Variants in ZNF484 observed in about 807,000 individuals in gnomAD.
ZNF484 encodes the protein KRAB box containing C2H2 type zinc finger bA526D8.4.
ZNF484 carries 11 observed loss-of-function variants against 12.9 expected under a neutral mutation model. That is an observed-to-expected ratio of 0.85 (90% CI 0.54 to 1.41). The LOEUF is 1.41. Among genes scored for constraint, ZNF484 ranks in the 40% most tolerant of loss-of-function variants. The probability of loss-of-function intolerance (pLI) is 0.00; values close to 1 mark genes in which losing one functional copy is unlikely to be tolerated. For synonymous variants in ZNF484, 289 were observed against 334.1 expected (o/e 0.86, Z 1.47); for missense variants, 807 against 1,007.7 (o/e 0.80, Z 2.70).
chr9:92,860,008 G>A (rs927041862), intron 2 of ZNF484, among the ~76,000 whole-genome samples: 5 of 152,172 alleles, frequency 3.3e-5, no homozygotes, highest in Admixed American at 2.0e-4. Context: ...TTGATGTCCA[G>A]AGTTTTTACT....
At chr9:92,855,436 G>T (rs1173993192) in intron 4 of ZNF484, among the ~76,000 whole-genome samples, 1 of 152,162 alleles carries the variant, frequency 6.6e-6, no homozygotes, top group African/African-American at 2.4e-5. Context: ...AGATCTATGA[G>T]TATTTGAATG....
rs1262443479 is a variant in ZNF484 at position 92,847,828 on chromosome 9, T to C, written c.959A>G (p.Lys320Arg). 1.2e-6 allele frequency: 2 copies of C among 1,614,020 alleles called. No homozygotes were observed. The highest frequency in any genetic ancestry group is 3.3e-5 in the Admixed American group (2 of 60,004). Residue 320 changes from lysine to arginine, a missense_variant, in exon 5 of 5, where the codon AAA (lysine) becomes AGA (arginine). Physicochemically the swap from Lys to Arg is conservative, Grantham distance 26 (BLOSUM62 2). Coordinates refer to ENST00000375495, the MANE Select transcript of ZNF484 (RefSeq NM_031486.4). ...KDFSLKSNRQ[K>R]TPYEGNYYKC... ...ATAGTAATTCCCCTCATAAGGAGTT[T>C]TCTGACGGTTTGACTTGAGGGAAAA...
At position 92,856,321 on chromosome 9, in the gene ZNF484, G is replaced by C; in HGVS notation, c.16-3C>G. On this transcript the variant is annotated splice_polypyrimidine_tract_variant and splice_region_variant and intron_variant, in intron 2 of 4. Coordinates refer to ENST00000375495, the MANE Select transcript of ZNF484 (RefSeq NM_031486.4). ...ACGTCCTTGAATGACACTGATTCCT[G>C]TTAAAAAAAAAAAACAAACTTTAAA... The C allele has an allele frequency of 8.0e-7, 1 of 1,244,802 alleles. No individual in the cohort carries two copies. Among genetic ancestry groups the C allele is most frequent in the Admixed American group, 2.8e-5 (1 of 35,370 alleles). The allele number at this position is 1,244,802 out of a possible 1,614,324, so 77.1% of individuals were successfully genotyped here.
chr9:92,848,374 C>T lies in ZNF484; in HGVS notation c.413G>A (p.Arg138His), dbSNP rs139334933. ...TGTTTTCTTGTTAATGAAGACAACA[C>T]GACTTAAAGGTTTGTTCTGGTTTTC... ...CGENQNKPLS[R>H]VVFINKKTLA... is the part of the protein sequence containing the mutation. Residue 138 changes from arginine (R) to histidine (H), a missense_variant, in exon 5 of 5, where the codon CGT (arginine) becomes CAT (histidine). Transcript: ENST00000375495. This position sits in a 1 kb window ranked among gnomAD's most constrained non-coding sequence, Gnocchi z 4.1. 8.1e-5 allele frequency: 130 copies of T among 1,613,950 alleles called. No homozygotes were observed. In the Admixed American group the frequency reaches 9.7e-4, roughly 12 times the overall value.
At chr9:92,865,717 C>T (rs557897462) in intron 2 of ZNF484, among the ~76,000 whole-genome samples, 66 of 151,930 alleles carry the variant, frequency 4.3e-4, no homozygotes, top group Non-Finnish European at 6.6e-4. Flanking sequence ...GACTAGCCTG[C>T]GCAACATAGC....
Position 92,848,495 on chromosome 9 carries a change from GGAAA to G in ZNF484, c.288_291del (p.Phe97SerfsTer18). The G allele has an allele frequency of 6.2e-7, 1 of 1,610,960 alleles. No homozygotes were observed. The highest frequency in any genetic ancestry group is 8.5e-7 in the Non-Finnish European group (1 of 1,179,398). On this transcript the variant is annotated frameshift_variant, in exon 5 of 5. Transcript: ENST00000375495. LOFTEE classifies it low-confidence loss of function (END_TRUNC). This position sits in a 1 kb window ranked among gnomAD's most constrained non-coding sequence, Gnocchi z 4.1. ...AAGAGATTAATATTAATCTCAGACT[GGAAA>G]GAAACTTCTTCAGACATCCTCTGTT...
chr9:92,847,948 T>C lies in ZNF484; in HGVS notation c.839A>G (p.Glu280Gly), dbSNP rs746052107. The C allele has an allele frequency of 6.2e-7, 1 of 1,614,230 alleles. No individual in the cohort carries two copies. Among genetic ancestry groups the C allele is most frequent in the East Asian group, 2.2e-5 (1 of 44,884 alleles). The change falls in exon 5 of 5, where the codon GAA (glutamate) becomes GGA (glycine). Residue 280 changes from glutamate to glycine, a missense_variant. Physicochemically the swap from Glu to Gly is moderately conservative, Grantham distance 98 (BLOSUM62 -2). Transcript: ENST00000375495. Reference protein sequence around the residue: ...ESICAEEKQHECHECEAVFTQ... With the variant: ...ESICAEEKQHGCHECEAVFTQ... ...GAAGACTGCCTCACATTCATGGCAT[T>C]CATGCTGCTTTTCTTCAGCACAAAT... is the stretch of plus-strand genomic sequence containing the variant.
chr9:92,866,489 C>A (rs145818556), intron 2 of ZNF484, among the ~76,000 whole-genome samples: 3,663 of 151,716 alleles, frequency 0.024, 70 homozygotes, highest in Non-Finnish European at 0.035. Flanking sequence ...AGTCAAGAAA[C>A]AATAGATGCT....
intron 2 of ZNF484, among the ~76,000 whole-genome samples, chr9:92,860,007 A>G (rs1277839580): frequency 6.6e-6 from 1 of 152,210 alleles, no homozygotes; most frequent in Non-Finnish European, 1.5e-5. Context: ...CTTGATGTCC[A>G]GAGTTTTTAC....
At chr9:92,851,949 G>A (rs1363017715) in intron 4 of ZNF484, among the ~76,000 whole-genome samples, 5 of 152,190 alleles carry the variant, frequency 3.3e-5, no homozygotes, top group Admixed American at 6.5e-5. Context: ...TAACAAAAGT[G>A]TAATGCACAA....
rs1030099719 is a variant in ZNF484 at position 92,844,999 on chromosome 9, T to C, written c.*1229A>G. On this transcript the variant is annotated 3_prime_UTR_variant, in exon 5 of 5. Coordinates refer to ENST00000375495, the MANE Select transcript of ZNF484 (RefSeq NM_031486.4). ...ACAAATAAATGAAATTATAATGTTA[T>C]AACTTCTCCCCTTGTCCAGAAATGT... The C allele has an allele frequency of 5.9e-5, 9 of 152,188 alleles. No homozygotes were observed. The highest frequency in any genetic ancestry group is 5.2e-4 in the Admixed American group (8 of 15,280). 9.4% of individuals were successfully genotyped at this position (152,188 alleles called of 1,614,324 possible). A position where few individuals can be genotyped will look rare whatever the true frequency, so the allele number is the denominator to read the frequency against.
In ZNF484 at chr9:92,847,875, T is replaced by C. The variant is rs536044659; in HGVS notation, c.912A>G (p.Ile304Met). 20 of 1,614,202 alleles carry C rather than the reference T, an allele frequency of 1.2e-5. No homozygotes were observed. In the South Asian group the frequency reaches 2.0e-4, roughly 16 times the overall value. ...AAAAATCCTTCTCATATTCAGTGCA[T>C]ATTCCTGCATAAACCCTCTGACTGC... Reference protein sequence around the residue: ...LDGSQRVYAGICTEYEKDFSL... With the variant: ...LDGSQRVYAGMCTEYEKDFSL... The change falls in exon 5 of 5, where the codon ATA becomes ATG. Residue 304 changes from isoleucine (I) to methionine (M), a missense_variant. By Grantham distance (10) the Ile-to-Met change is conservative. Transcript: ENST00000375495.
rs778103968 is a variant in ZNF484 at position 92,847,234 on chromosome 9, T to C, written c.1553A>G (p.His518Arg). ...GCATTTATAAGGTTTCTCTCCAGTA[T>C]GAATTTTTTGGTGCTTAATGAGATT... ...RSNLIKHQKI[H>R]TGEKPYKCSD... The change falls in exon 5 of 5, where the codon CAT (histidine) becomes CGT (arginine). Residue 518 changes from histidine (H) to arginine (R), a missense_variant. His to Arg is a conservative substitution (Grantham distance 29). Transcript: ENST00000375495. The C allele has an allele frequency of 1.2e-6, 2 of 1,614,164 alleles. No homozygotes were observed. Among genetic ancestry groups the C allele is most frequent in the South Asian group, 2.2e-5 (2 of 91,088 alleles).
At chr9:92,876,105 T>C (rs557548571) in intron 1 of ZNF484, among the ~76,000 whole-genome samples, 2 of 152,136 alleles carry the variant, frequency 1.3e-5, no homozygotes, top group Non-Finnish European at 1.5e-5. Context: ...TAGGAAAATA[T>C]TGTTTAGCAA....
intron 4 of ZNF484, among the ~76,000 whole-genome samples, chr9:92,851,022 T>G (rs538197100): frequency 5.9e-5 from 9 of 152,356 alleles, no homozygotes; most frequent in Admixed American, 3.3e-4. Context: ...ACCTGTGCCC[T>G]TCCTTCACAA....
chr9:92,856,313 T>C lies in ZNF484; in HGVS notation c.21A>G (p.Ser7=). Residue 7 remains serine (S), a synonymous_variant, in exon 3 of 5, where the codon TCA becomes TCG. Coordinates refer to ENST00000375495, the MANE Select transcript of ZNF484 (RefSeq NM_031486.4). MTKSLE[S]VSFKDVTVDF... ...CTACAGTTACGTCCTTGAATGACACTGATTCCTGTTAAAAAAAAAAAACAA... is the reference window on the plus strand; with the variant it reads ...CTACAGTTACGTCCTTGAATGACACCGATTCCTGTTAAAAAAAAAAAACAA... 1 of 1,535,988 alleles carries C rather than the reference T, an allele frequency of 6.5e-7. No individual in the cohort carries two copies.
intron 2 of ZNF484, among the ~76,000 whole-genome samples, chr9:92,859,221 T>C (rs1339831098): frequency 6.6e-6 from 1 of 152,172 alleles, no homozygotes; most frequent in Non-Finnish European, 1.5e-5. Context: ...GCATTAAACA[T>C]CCAAGTTAAA....
rs1386250980 is a variant in ZNF484, at chr9:92,845,703, T to C, written c.*525A>G. 1 of 153,526 alleles carries C rather than the reference T, an allele frequency of 6.5e-6. No individual in the cohort carries two copies. Among genetic ancestry groups the C allele is most frequent in the Non-Finnish European group, 1.4e-5 (1 of 69,094 alleles). The allele number at this position is 153,526 out of a possible 1,614,324, so 9.5% of individuals were successfully genotyped here. A position where few individuals can be genotyped will look rare whatever the true frequency, so the allele number is the denominator to read the frequency against. On this transcript the variant is annotated 3_prime_UTR_variant, in exon 5 of 5. Coordinates refer to ENST00000375495, the MANE Select transcript of ZNF484 (RefSeq NM_031486.4). The surrounding 1 kb of genome is among the most constrained non-coding windows in gnomAD (Gnocchi z 4.0). ...GGTAATAATATAGACTTTTGAGAAA[T>C]AGGCAAAGAGCAATTTCAGACCTCT...
At chr9:92,868,151 C>T (rs1279584416) in intron 2 of ZNF484, among the ~76,000 whole-genome samples, 1 of 152,196 alleles carries the variant, frequency 6.6e-6, no homozygotes, top group Non-Finnish European at 1.5e-5. Flanking sequence ...GGAGACTCTA[C>T]AGGACAATCC....
Sources: allele counts gnomAD v4.1 joint callset (sites outside exome capture counted in the v4.1 genomes callset), GRCh38; gene constraint gnomAD v4.1.1; non-coding constraint Gnocchi (gnomAD v3.1); transcripts MANE v1.5; gene names NCBI Gene and HGNC (gene_info 2026-07-23, HGNC 2026-07-21).